The following TMPRSS6 variants were observed in gnomAD, a reference collection of about 807,000 sequenced individuals.
TMPRSS6 encodes the protein transmembrane protease serine 6.
In TMPRSS6, 67 loss-of-function variants were observed where a neutral mutation model predicts 101.5. The observed-to-expected ratio is 0.66, with a 90% CI of 0.54 to 0.81. The LOEUF (loss-of-function observed/expected upper bound fraction) is 0.81, where lower values mean the gene tolerates loss of function less well. Among genes scored for constraint, TMPRSS6 ranks in the 30% least tolerant of loss-of-function variants. The pLI is 0.00. For missense variants in TMPRSS6, 1,034 were observed against 1,088.7 expected, an observed-to-expected ratio of 0.95 and a Z score of 0.71; for synonymous variants, 453 against 464.9, an observed-to-expected ratio of 0.97 and a Z score of 0.33.
intron 10 of TMPRSS6, 78 bp downstream of exon 10, chr22:37,084,217 G>C: frequency 7.9e-7 from 1 of 1,271,844 alleles, no homozygotes; most frequent in Non-Finnish European, 1.1e-6. Flanking sequence ...GGCTTCCAAT[G>C]AGGGGGTCAC....
intron 1 of TMPRSS6, among the ~76,000 whole-genome samples, chr22:37,104,173 A>T (rs1334894142): frequency 6.6e-6 from 1 of 152,164 alleles, no homozygotes; most frequent in East Asian, 1.9e-4. Context: ...TTCTGCACCC[A>T]TTGAACAGAT....
intron 8 of TMPRSS6, among the ~76,000 whole-genome samples, chr22:37,085,084 G>A (rs1928617095): frequency 6.6e-6 from 1 of 152,214 alleles, no homozygotes; most frequent in African/African-American, 2.4e-5. Flanking sequence ...CATGTAGTAA[G>A]TGCTCGATCC....
At chr22:37,072,127 T>TG (rs1235849791) in intron 13 of TMPRSS6, among the ~76,000 whole-genome samples, 6 of 140,572 alleles carry the variant, frequency 4.3e-5, no homozygotes, top group African/African-American at 1.4e-4. Flanking sequence ...GATGGATGGA[T>TG]GATGGATGGA....
At chr22:37,106,413 G>A (rs909922308) in intron 1 of TMPRSS6, among the ~76,000 whole-genome samples, 3 of 151,996 alleles carry the variant, frequency 2.0e-5, no homozygotes, top group East Asian at 3.9e-4. Flanking sequence ...CAAGCCAGGC[G>A]TCCTTCTCTA....
rs1385792605 is a variant in TMPRSS6 at position 37,084,781 on chromosome 22, G to A, written c.1032C>T (p.Thr344=). 2.6e-6 allele frequency: 4 copies of A among 1,566,886 alleles called. No individual in the cohort carries two copies. The Admixed American group carries it at 7.6e-5, about 30-fold the overall frequency. ...GCGAGTAGTAGCTGGGGAAGTACGG[G>A]GTGCTGAGGACGCCCTGGGAGTCGA... ...NRLDSQGVLS[T]PYFPSYYSPQ... Residue 344 remains threonine, a synonymous_variant, in exon 9 of 18, where the codon ACC becomes ACT. Transcript: ENST00000676104.
In TMPRSS6 at chr22:37,105,582, G is replaced by A. The variant is rs1171115179; in HGVS notation, c.-1-2164C>T. ...AAATCTGAGAAGGTTTGCTGGATTG[G>A]GAAGATCCCAGGTGATGGGTTGGCT... On this transcript the variant is annotated intron_variant, in intron 1 of 17. Transcript: ENST00000676104. Among the ~76,000 whole-genome samples the A allele has an allele frequency of 2.0e-5, 3 of 152,330 alleles. No individual in the cohort carries two copies. The East Asian group carries it at 5.8e-4, about 29-fold the overall frequency.
At chr22:37,068,534 T>C in intron 16 of TMPRSS6, 2 of 771,252 alleles carry the variant, frequency 2.6e-6, no homozygotes, top group Admixed American at 3.5e-5. Flanking sequence ...CTGAGAGCAG[T>C]AGCAGGAAGA....
Position 37,084,710 on chromosome 22 carries a change from G to T in TMPRSS6, c.1086+17C>A. ...CTTGCGGCAGAGGGCAGGTGGGCAG[G>T]CAGGGTGGGGTCTCACCGTGAGGTG... On this transcript the variant is annotated intron_variant, in intron 9 of 17. Coordinates refer to ENST00000676104, the MANE Select transcript of TMPRSS6 (RefSeq NM_001374504.1). 1 of 1,546,984 alleles carries T rather than the reference G, an allele frequency of 6.5e-7. No individual in the cohort carries two copies.
intron 13 of TMPRSS6, 64 bp downstream of exon 13, chr22:37,073,468 A>C: frequency 1.8e-6 from 2 of 1,107,388 alleles, no homozygotes; most frequent in Non-Finnish European, 2.8e-6. Flanking sequence ...ACTTTTGCTG[A>C]AGCATGTAGC....
rs570131160 is a variant in TMPRSS6, at chr22:37,070,117, G to A, written c.1841+367C>T. Reference sequence around the variant, plus strand: ...CACCTGCTACCTCGTGTCACACCTCGGGGAGTGTCATAGCTTATGACCAGG... The same window carrying A: ...CACCTGCTACCTCGTGTCACACCTCAGGGAGTGTCATAGCTTATGACCAGG... On this transcript the variant is annotated intron_variant, in intron 15 of 17. Coordinates refer to ENST00000676104, the MANE Select transcript of TMPRSS6 (RefSeq NM_001374504.1). Among the ~76,000 whole-genome samples the A allele has an allele frequency of 5.3e-5, 8 of 152,230 alleles. No individual in the cohort carries two copies. The East Asian group carries it at 5.8e-4, about 11-fold the overall frequency.
Position 37,069,081 on chromosome 22 carries a change from C to CT in TMPRSS6, c.2104_2105insA (p.Arg702GlnfsTer51), listed in dbSNP as rs1926609802. 5 of 1,543,204 alleles carry CT rather than the reference C, an allele frequency of 3.2e-6. No individual in the cohort carries two copies. The East Asian group carries it at 1.2e-4, about 38-fold the overall frequency. Reference sequence around the variant, plus strand: ...AAGTCCCCGCTGCTCACCGCCCTCGCGCAAGGCGCCCCAGCCCGTAATCCA... The same window carrying CT: ...AAGTCCCCGCTGCTCACCGCCCTCGCTGCAAGGCGCCCCAGCCCGTAATCCA... On this transcript the variant is annotated frameshift_variant, in exon 16 of 18. Coordinates refer to ENST00000676104, the MANE Select transcript of TMPRSS6 (RefSeq NM_001374504.1). LOFTEE classifies it high-confidence loss of function. This position sits in a 1 kb window ranked among gnomAD's most constrained non-coding sequence, Gnocchi z 4.8.
At chr22:37,088,972 C>T (rs915648149) in intron 7 of TMPRSS6, among the ~76,000 whole-genome samples, 42 of 152,336 alleles carry the variant, frequency 2.8e-4, no homozygotes, top group Admixed American at 1.2e-3. Flanking sequence ...CCCACACCCC[C>T]GCCCCACACA....
upstream of TMPRSS6, among the ~76,000 whole-genome samples, chr22:37,110,213 G>A (rs567948628): frequency 4.4e-4 from 65 of 148,504 alleles, no homozygotes; most frequent in Non-Finnish European, 6.5e-4. Flanking sequence ...GTGTGATTTC[G>A]GCTCACTGCA....
chr22:37,068,481 G>C, intron 16 of TMPRSS6: 1 of 662,066 alleles, frequency 1.5e-6, no homozygotes, highest in Non-Finnish European at 2.8e-6. Context: ...GTGGCCGCCA[G>C]GGACTCTGGT....
Position 37,103,683 on chromosome 22 carries a change from C to A in TMPRSS6, c.-1-265G>T. 1 of 1,236,202 alleles carries A rather than the reference C, an allele frequency of 8.1e-7. No homozygotes were observed. Among genetic ancestry groups the A allele is most frequent in the East Asian group, 2.4e-5 (1 of 42,444 alleles). 76.6% of individuals were successfully genotyped at this position (1,236,202 alleles called of 1,614,324 possible). Reference sequence around the variant, plus strand: ...CCACCTTTGCTTCCCACTGGCTTCCCTATGGTCAGAGGACAGACGGAGGTC... The same window carrying A: ...CCACCTTTGCTTCCCACTGGCTTCCATATGGTCAGAGGACAGACGGAGGTC... On this transcript the variant is annotated intron_variant, in intron 1 of 17. Transcript: ENST00000676104. The surrounding 1 kb of genome is among the most constrained non-coding windows in gnomAD (Gnocchi z 4.4).
chr22:37,082,719 A>T (rs1047859381), intron 10 of TMPRSS6: 1 of 348,472 alleles, frequency 2.9e-6, no homozygotes, highest in Non-Finnish European at 5.6e-6. Flanking sequence ...CTGATGTCAC[A>T]CTCCATCAGC....
intron 7 of TMPRSS6, among the ~76,000 whole-genome samples, chr22:37,086,735 T>C (rs1347080304): frequency 6.6e-6 from 1 of 151,992 alleles, no homozygotes; most frequent in African/African-American, 2.4e-5. Context: ...CCCAGACCCC[T>C]CCACCCTGCT....
At chr22:37,073,115 G>A (rs371099597) in intron 13 of TMPRSS6, among the ~76,000 whole-genome samples, 161 of 136,398 alleles carry the variant, frequency 1.2e-3, no homozygotes, top group African/African-American at 3.6e-3. Flanking sequence ...GATGATGGAC[G>A]GATGGATGAT....
At chr22:37,098,811 G>A (rs1930051697) in intron 2 of TMPRSS6, among the ~76,000 whole-genome samples, 1 of 152,194 alleles carries the variant, frequency 6.6e-6, no homozygotes, top group Non-Finnish European at 1.5e-5. Context: ...AGGTTCCCAG[G>A]GAGAGGCTGA....
Sources: allele counts gnomAD v4.1 joint callset (sites outside exome capture counted in the v4.1 genomes callset), GRCh38; gene constraint gnomAD v4.1.1; non-coding constraint Gnocchi (gnomAD v3.1); transcripts MANE v1.5; gene names NCBI Gene and HGNC (gene_info 2026-07-23, HGNC 2026-07-21).